The following NREP variants were observed in gnomAD, a reference collection of about 807,000 sequenced individuals.
The protein encoded by NREP is neuronal regeneration related protein.
A neutral mutation model predicts 8.6 loss-of-function variants in NREP; 5 were observed. That is an observed-to-expected ratio of 0.58 (90% confidence interval 0.30 to 1.22). The LOEUF is 1.22. NREP is among the 50% of genes most tolerant of loss of function. The pLI is 0.07. For synonymous variants in NREP, 27 were observed against 28.0 expected (o/e 0.96, Z 0.11); for missense variants, 86 against 82.5 (o/e 1.04, Z -0.17).
chr5:111,916,823 C>A (rs770622882), intron 2 of NREP, among the ~76,000 whole-genome samples: 3 of 152,066 alleles, frequency 2.0e-5, no homozygotes, highest in Non-Finnish European at 2.9e-5. Flanking sequence ...GCAGCAAATC[C>A]ATATGGGTAT....
chr5:111,781,530 C>T (rs1751493582), intron 2 of NREP, among the ~76,000 whole-genome samples: 1 of 152,196 alleles, frequency 6.6e-6, no homozygotes. Flanking sequence ...GCCATCTCTA[C>T]TGTATCCTGA....
intron 2 of NREP, among the ~76,000 whole-genome samples, chr5:111,925,064 G>T (rs997044063): frequency 2.6e-5 from 4 of 152,080 alleles, no homozygotes; most frequent in African/African-American, 9.7e-5. Flanking sequence ...ATCGTGCTAC[G>T]GGAAGAGGGG....
chr5:111,866,851 T>A (rs1456214152), intron 2 of NREP, among the ~76,000 whole-genome samples: 1 of 151,980 alleles, frequency 6.6e-6, no homozygotes, highest in Non-Finnish European at 1.5e-5. Flanking sequence ...TGTAGGGACA[T>A]GGATGAAGCT....
chr5:111,735,112 T>A (rs1748982233), intron 3 of NREP: 1 of 310,614 alleles, frequency 3.2e-6, no homozygotes, highest in Non-Finnish European at 5.9e-6. Context: ...TAAGAAATCT[T>A]TTAGTTTGAT....
intron 2 of NREP, among the ~76,000 whole-genome samples, chr5:111,819,198 C>A (rs1246858927): frequency 6.6e-6 from 1 of 152,158 alleles, no homozygotes; most frequent in African/African-American, 2.4e-5. Flanking sequence ...TGAGTCACCC[C>A]TGGTCACCTG....
intron 3 of NREP, chr5:111,732,329 C>T (rs543783565): frequency 6.6e-6 from 1 of 151,990 alleles, no homozygotes; most frequent in East Asian, 1.9e-4. Flanking sequence ...TTTAAAAAGT[C>T]TTACTTACTG....
chr5:111,750,339 G>C (rs3797735), intron 2 of NREP, among the ~76,000 whole-genome samples: 21,966 of 152,070 alleles, frequency 0.14, 1,840 homozygotes, highest in East Asian at 0.33. Flanking sequence ...CTTAATAAAA[G>C]CATAGTACTT....
intron 2 of NREP, among the ~76,000 whole-genome samples, chr5:111,868,278 C>G (rs1259175783): frequency 6.6e-6 from 1 of 152,134 alleles, no homozygotes; most frequent in Non-Finnish European, 1.5e-5. Flanking sequence ...CTCATACACC[C>G]TTCTCAACAA....
intron 2 of NREP, among the ~76,000 whole-genome samples, chr5:111,865,061 T>C (rs1429248998): frequency 1.3e-5 from 2 of 152,156 alleles, no homozygotes; most frequent in Non-Finnish European, 2.9e-5. Context: ...AGTTAGTGTG[T>C]GTACCTGCCT....
At chr5:111,786,289 T>G (rs1751606905) in intron 2 of NREP, among the ~76,000 whole-genome samples, 1 of 152,158 alleles carries the variant, frequency 6.6e-6, no homozygotes, top group African/African-American at 2.4e-5. Context: ...GATTGTAACT[T>G]TCATGAGGCC....
intron 2 of NREP, among the ~76,000 whole-genome samples, chr5:111,940,792 C>T (rs1755807714): frequency 6.6e-6 from 1 of 151,996 alleles, no homozygotes; most frequent in East Asian, 1.9e-4. Context: ...GTCCCTGAGA[C>T]CACACTCATG....
In NREP at chr5:111,877,390, A is replaced by G. The variant is rs149289946; in HGVS notation, c.135+97884T>C. ...ACCCTCACATAATTTTCCACCCTCT[A>G]TACCTGTGATTCTTGAGGTGTTTCT... On this transcript the variant is annotated intron_variant, in intron 2 of 3. Transcript: ENST00000395634. 6.5e-4 allele frequency among the ~76,000 whole-genome samples: 99 copies of G among 152,312 alleles called. No homozygotes were observed. In the Middle Eastern group the frequency reaches 0.01, roughly 16 times the overall value.
intron 2 of NREP, among the ~76,000 whole-genome samples, chr5:111,908,333 T>C (rs1179563283): frequency 1.3e-5 from 2 of 152,072 alleles, no homozygotes; most frequent in African/African-American, 2.4e-5. Context: ...GTTTGTTACA[T>C]AGATATTATG....
At chr5:111,797,158 G>A (rs539567705) in intron 2 of NREP, among the ~76,000 whole-genome samples, 16 of 152,280 alleles carry the variant, frequency 1.1e-4, no homozygotes, top group Middle Eastern at 3.4e-3. Flanking sequence ...CTGTGGGACA[G>A]ATTAGAGATG....
intron 2 of NREP, among the ~76,000 whole-genome samples, chr5:111,965,090 G>A (rs946916097): frequency 1.3e-5 from 2 of 151,772 alleles, no homozygotes; most frequent in African/African-American, 4.8e-5. Flanking sequence ...CTCAGGCCAG[G>A]CCCCTCATAA....
chr5:111,947,217 C>T (rs575534104), intron 2 of NREP, among the ~76,000 whole-genome samples: 16 of 152,120 alleles, frequency 1.1e-4, no homozygotes, highest in Admixed American at 1.0e-3. Flanking sequence ...CTTAAAAACG[C>T]TTTCTTAAGT....
chr5:111,924,053 G>T (rs1000796590), intron 2 of NREP, among the ~76,000 whole-genome samples: 1 of 152,112 alleles, frequency 6.6e-6, no homozygotes, highest in Non-Finnish European at 1.5e-5. Flanking sequence ...AGCTGCTTTA[G>T]GGTTTTAGGG....
At chr5:111,885,482 G>C (rs1311438176) in intron 2 of NREP, among the ~76,000 whole-genome samples, 1 of 151,902 alleles carries the variant, frequency 6.6e-6, no homozygotes. Context: ...CTACTTTAAA[G>C]TTCATATGGA....
chr5:111,777,307 C>T (rs147313873), intron 2 of NREP, among the ~76,000 whole-genome samples: 72 of 151,986 alleles, frequency 4.7e-4, no homozygotes, highest in African/African-American at 1.6e-3. Context: ...GGAACTCTCA[C>T]TGAGAATGTT....
Sources: allele counts gnomAD v4.1 joint callset (sites outside exome capture counted in the v4.1 genomes callset), GRCh38; gene constraint gnomAD v4.1.1; transcripts MANE v1.5; gene names NCBI Gene and HGNC (gene_info 2026-07-23, HGNC 2026-07-21).